The following PTTG1IP2 variants were observed in gnomAD, a reference collection of about 807,000 sequenced individuals.
The protein encoded by PTTG1IP2 is PTTG1IP family member 2.
chr7:90,483,517 T>A (rs939772535), intron 2 of PTTG1IP2, among the ~76,000 whole-genome samples: 3 of 152,126 alleles, frequency 2.0e-5, no homozygotes, highest in African/African-American at 7.2e-5. Flanking sequence ...TCCTTCTGAG[T>A]TCAGACAAAA....
Position 90,471,176 on chromosome 7 carries a change from C to G in PTTG1IP2, c.145+1245C>G, listed in dbSNP as rs192510224. 2.6e-5 allele frequency among the ~76,000 whole-genome samples: 4 copies of G among 152,236 alleles called. No individual in the cohort carries two copies. In the East Asian group the frequency reaches 7.7e-4, roughly 29 times the overall value. ...AGTCTCAGGCCAGTTCCCCTTAGTG[C>G]TTGCATTTAATCTTCCCATCTAACA... On this transcript the variant is annotated intron_variant, in intron 1 of 6. Transcript: ENST00000509356.
intron 6 of PTTG1IP2, among the ~76,000 whole-genome samples, chr7:90,504,678 G>C (rs967329364): frequency 2.4e-4 from 37 of 152,136 alleles, no homozygotes; most frequent in African/African-American, 8.9e-4. Flanking sequence ...TGGCTTGGAA[G>C]GGTCTACCTA....
At chr7:90,509,366 G>T (rs139265127) in intron 6 of PTTG1IP2, among the ~76,000 whole-genome samples, 6 of 152,200 alleles carry the variant, frequency 3.9e-5, no homozygotes, top group African/African-American at 1.4e-4. Context: ...GTTAGAATTG[G>T]CAAGTCCTGG....
chr7:90,472,882 C>G (rs177665), intron 1 of PTTG1IP2, among the ~76,000 whole-genome samples: 85,099 of 151,998 alleles, frequency 0.56, 25,120 homozygotes, highest in East Asian at 0.91. Flanking sequence ...AGGAGGATTA[C>G]AGCATTGACA....
chr7:90,496,198 G>C (rs1327417117), intron 6 of PTTG1IP2, among the ~76,000 whole-genome samples: 1 of 152,198 alleles, frequency 6.6e-6, no homozygotes, highest in African/African-American at 2.4e-5. Flanking sequence ...TCCCTTTTCA[G>C]TTTTTGAGAA....
chr7:90,492,099 C>G (rs548334398), intron 4 of PTTG1IP2, 140 bp from the exon 5 acceptor site: 1 of 151,822 alleles, frequency 6.6e-6, no homozygotes, highest in South Asian at 2.1e-4. Context: ...CCACTGCACT[C>G]CAACGTGGGT....
intron 1 of PTTG1IP2, among the ~76,000 whole-genome samples, chr7:90,472,428 GC>G (rs1469339330): frequency 7.9e-5 from 12 of 152,068 alleles, no homozygotes; most frequent in East Asian, 7.7e-4. Context: ...AGTGAAACAA[GC>G]CTCGAAGTCG....
intron 4 of PTTG1IP2, among the ~76,000 whole-genome samples, chr7:90,489,812 A>T (rs1797918754): frequency 6.6e-6 from 1 of 151,976 alleles, no homozygotes; most frequent in Non-Finnish European, 1.5e-5. Context: ...AAGTGCCAAG[A>T]TCAAATAGAT....
intron 6 of PTTG1IP2, among the ~76,000 whole-genome samples, chr7:90,510,785 T>C (rs1307313598): frequency 6.6e-6 from 1 of 152,214 alleles, no homozygotes; most frequent in Non-Finnish European, 1.5e-5. Context: ...AATAAAGTTT[T>C]GGAGGAGACT....
chr7:90,508,230 G>C (rs1315851326), intron 6 of PTTG1IP2, among the ~76,000 whole-genome samples: 1 of 148,502 alleles, frequency 6.7e-6, no homozygotes, highest in Non-Finnish European at 1.5e-5. Context: ...TTGCGCCACT[G>C]CCTCCAGTCT....
chr7:90,499,936 G>A (rs549565012), intron 6 of PTTG1IP2, among the ~76,000 whole-genome samples: 22 of 152,048 alleles, frequency 1.4e-4, no homozygotes, highest in Admixed American at 6.6e-4. Context: ...AGTCCTCACC[G>A]GGTGCAGTGG....
Position 90,482,639 on chromosome 7 carries a change from A to G in PTTG1IP2, c.192+3365A>G, listed in dbSNP as rs1407701408. On this transcript the variant is annotated intron_variant, in intron 2 of 6. Coordinates refer to ENST00000509356, the MANE Select transcript of PTTG1IP2 (RefSeq NM_001365443.2). ...GAAGCATCTTGTAATCTGTGCTTTTATTGCTATTCAGTCGTTATGCATCCC... is the reference window on the plus strand; with the variant it reads ...GAAGCATCTTGTAATCTGTGCTTTTGTTGCTATTCAGTCGTTATGCATCCC... 4.6e-5 allele frequency among the ~76,000 whole-genome samples: 7 copies of G among 152,278 alleles called. No individual in the cohort carries two copies. In the East Asian group the frequency reaches 1.3e-3, roughly 29 times the overall value.
chr7:90,491,099 CA>C (rs1444278152), intron 4 of PTTG1IP2, among the ~76,000 whole-genome samples: 1 of 151,966 alleles, frequency 6.6e-6, no homozygotes. Flanking sequence ...CTAGAATGAC[CA>C]ATGAAATATC....
chr7:90,508,641 A>T (rs1238644657), intron 6 of PTTG1IP2, among the ~76,000 whole-genome samples: 1 of 152,228 alleles, frequency 6.6e-6, no homozygotes, highest in African/African-American at 2.4e-5. Context: ...CATTTATAAT[A>T]TTCTGGGCAC....
intron 1 of PTTG1IP2, among the ~76,000 whole-genome samples, chr7:90,475,582 A>T (rs189933795): frequency 6.6e-6 from 1 of 152,348 alleles, no homozygotes. Flanking sequence ...AAAAAGAGAC[A>T]AGAGTTCATG....
At chr7:90,494,479 C>T (rs750733106) in intron 6 of PTTG1IP2, 49 bp downstream of exon 6, 3 of 152,116 alleles carry the variant, frequency 2.0e-5, no homozygotes, top group Admixed American at 6.5e-5. Context: ...CCATTTTCTC[C>T]GTTCTATTAA....
intron 1 of PTTG1IP2, among the ~76,000 whole-genome samples, 153 bp from the exon 2 acceptor site, chr7:90,479,075 G>C (rs1797785349): frequency 6.6e-6 from 1 of 152,012 alleles, no homozygotes; most frequent in Non-Finnish European, 1.5e-5. Context: ...GTACTGGTAG[G>C]GATCTAGATA....
rs59521168 is a variant in PTTG1IP2, at chr7:90,505,990, CAAAAAAAAAAAAAAAAA to C, written c.*51-7274_*51-7258del. Among the ~76,000 whole-genome samples, 23 of 77,364 alleles carry C rather than the reference CAAAAAAAAAAAAAAAAA, an allele frequency of 3.0e-4. No individual in the cohort carries two copies. In the East Asian group the frequency reaches 4.2e-3, roughly 14 times the overall value. 50.8% of individuals were successfully genotyped at this position (77,364 alleles called of 152,430 possible). A position where few individuals can be genotyped will look rare whatever the true frequency, so the allele number is the denominator to read the frequency against. On this transcript the variant is annotated intron_variant, in intron 6 of 6. Coordinates refer to ENST00000509356, the MANE Select transcript of PTTG1IP2 (RefSeq NM_001365443.2). The stretch of plus-strand genomic sequence containing the variant: ...TGGGCGACAGAGCGAGACTCCGTCT[CAAAAAAAAAAAAAAAAA>C]AAAAAAAAAAAAAGAAAATGCCTGT...
chr7:90,493,620 A>G (rs11563288), intron 5 of PTTG1IP2, among the ~76,000 whole-genome samples: 2 of 152,266 alleles, frequency 1.3e-5, no homozygotes, highest in Admixed American at 1.3e-4. Flanking sequence ...ATTGTAGGGA[A>G]TAAAGTGTAG....
Sources: gnomAD v4.1 joint callset for allele counts (sites outside exome capture counted in the v4.1 genomes callset) on GRCh38, gnomAD v4.1.1 for gene constraint, MANE v1.5 for transcripts, NCBI Gene and HGNC (gene_info 2026-07-23, HGNC 2026-07-21) for gene names.